The following ERFL variants were observed in gnomAD, a reference collection of about 807,000 sequenced individuals.
The protein encoded by ERFL is ETS domain-containing transcription factor ERF-like.
In ERFL, 8 loss-of-function variants were observed where a neutral mutation model predicts 27.9. The ratio of observed to expected loss-of-function variants is 0.29; its 90% CI spans 0.17 to 0.52. The LOEUF is 0.52. Among genes scored for constraint, ERFL ranks in the 20% least tolerant of loss-of-function variants. The probability of loss-of-function intolerance (pLI) is 0.97; values close to 1 mark genes in which losing one functional copy is unlikely to be tolerated. For synonymous variants in ERFL, 174 were observed against 202.8 expected, an observed-to-expected ratio of 0.86 and a Z score of 1.21; for missense variants, 294 against 444.4, an observed-to-expected ratio of 0.66 and a Z score of 3.04.
At chr19:41,912,788 G>A in intron 2 of ERFL, 65 bp downstream of exon 2, 1 of 554,570 alleles carries the variant, frequency 1.8e-6, no homozygotes, top group Non-Finnish European at 2.7e-6. Context: ...GAGAGAAGGG[G>A]GATGCGGCTC....
At chr19:41,913,033 C>T (rs1340156238) in intron 1 of ERFL, 101 bp from the exon 2 acceptor site, 2 of 445,324 alleles carry the variant, frequency 4.5e-6, no homozygotes, top group Non-Finnish European at 7.4e-6. Flanking sequence ...TCTCCCAGGT[C>T]CCCACCCCAG....
intron 1 of ERFL, among the ~76,000 whole-genome samples, chr19:41,919,952 T>C (rs2145902777): frequency 7.1e-6 from 1 of 141,296 alleles, no homozygotes; most frequent in South Asian, 2.6e-4. Flanking sequence ...CGCCCAGACG[T>C]GACGAACTCA....
At position 41,921,071 on chromosome 19, in the gene ERFL, G is replaced by A. The variant is rs756002465; in HGVS notation, c.-14+6969C>T. Among the ~76,000 whole-genome samples, 2 of 152,192 alleles carry A rather than the reference G, an allele frequency of 1.3e-5. No homozygotes were observed. Among genetic ancestry groups the A allele is most frequent in the African/African-American group, 2.4e-5 (1 of 41,452 alleles). On this transcript the variant is annotated intron_variant, in intron 1 of 5. Coordinates refer to ENST00000597630, the MANE Select transcript of ERFL (RefSeq NM_001365103.2). The surrounding 1 kb of genome is among the most constrained non-coding windows in gnomAD (Gnocchi z 4.4). Reference sequence around the variant, plus strand: ...TGAGGGGTGGCGAGGGAGCGTCCCCGGGGAGGTGGGAGCCGCAGTGCCACG... The same window carrying A: ...TGAGGGGTGGCGAGGGAGCGTCCCCAGGGAGGTGGGAGCCGCAGTGCCACG...
At chr19:41,918,477 A>G (rs186922563) in intron 1 of ERFL, among the ~76,000 whole-genome samples, 1 of 147,456 alleles carries the variant, frequency 6.8e-6, no homozygotes, top group East Asian at 2.0e-4. Flanking sequence ...CCACACACGC[A>G]CCACGCACAC....
intron 2 of ERFL, among the ~76,000 whole-genome samples, chr19:41,911,559 T>C (rs2074751537): frequency 6.6e-6 from 1 of 151,850 alleles, no homozygotes; most frequent in Non-Finnish European, 1.5e-5. Flanking sequence ...TGGGTGCTTG[T>C]GCCTCCCGGC....
chr19:41,922,730 G>A (rs782101636), intron 1 of ERFL, among the ~76,000 whole-genome samples: 3 of 152,202 alleles, frequency 2.0e-5, no homozygotes, highest in Admixed American at 1.3e-4. Flanking sequence ...GGGTCCAGCC[G>A]GGCTGGGGGG....
rs2074839068 is a variant in ERFL, at chr19:41,921,039, T to C, written c.-14+7001A>G. Among the ~76,000 whole-genome samples the C allele has an allele frequency of 6.6e-6, 1 of 151,934 alleles. No homozygotes were observed. The highest frequency in any genetic ancestry group is 1.5e-5 in the Non-Finnish European group (1 of 67,944). On this transcript the variant is annotated intron_variant, in intron 1 of 5. Coordinates refer to ENST00000597630, the MANE Select transcript of ERFL (RefSeq NM_001365103.2). The surrounding 1 kb of genome is among the most constrained non-coding windows in gnomAD (Gnocchi z 4.4). ...CTGCGGACAGCAGCGCTCCGAATGGTGTCAGTTGAGGGGTGGCGAGGGAGC... is the reference window on the plus strand; with the variant it reads ...CTGCGGACAGCAGCGCTCCGAATGGCGTCAGTTGAGGGGTGGCGAGGGAGC...
rs1039784188 is a variant in ERFL, at chr19:41,910,382, G to A, written c.68-285C>T. The stretch of plus-strand genomic sequence containing the variant: ...CAGCATCCAGAGGTGGAGTTGGGAG[G>A]GACTGGCTTCCTGCACCCATGACAG... On this transcript the variant is annotated intron_variant, in intron 2 of 5. Transcript: ENST00000597630. This position sits in a 1 kb window ranked among gnomAD's most constrained non-coding sequence, Gnocchi z 4.4. Among the ~76,000 whole-genome samples the A allele has an allele frequency of 6.6e-6, 1 of 152,112 alleles. No homozygotes were observed. The highest frequency in any genetic ancestry group is 2.4e-5 in the African/African-American group (1 of 41,416).
chr19:41,925,490 GAC>G (rs2074866335), intron 1 of ERFL, among the ~76,000 whole-genome samples: 1 of 152,158 alleles, frequency 6.6e-6, no homozygotes, highest in African/African-American at 2.4e-5. Flanking sequence ...GAGAGGCAAA[GAC>G]AGTGCAAGAA....
In ERFL at chr19:41,919,512, TACAC is replaced by T. The variant is rs60525805; in HGVS notation, c.-13-6584_-13-6581del. Among the ~76,000 whole-genome samples the T allele has an allele frequency of 6.9e-3, 1,007 of 146,558 alleles. 5 individuals are homozygous for T. Among genetic ancestry groups the T allele is most frequent in the South Asian group, 0.025 (117 of 4,592 alleles). ...CCACCCACGTGTGCACGTGCACGCG[TACAC>T]ACACACACACACACACACACGTCCA... On this transcript the variant is annotated intron_variant, in intron 1 of 5. Coordinates refer to ENST00000597630, the MANE Select transcript of ERFL (RefSeq NM_001365103.2).
intron 2 of ERFL, among the ~76,000 whole-genome samples, chr19:41,912,412 C>G (rs373922262): frequency 6.6e-6 from 1 of 152,234 alleles, no homozygotes; most frequent in African/African-American, 2.4e-5. Flanking sequence ...TCCTGGGTCT[C>G]GGTCTGGCCG....
At position 41,916,765 on chromosome 19, in the gene ERFL, C is replaced by T. The variant is rs544851027; in HGVS notation, c.-13-3833G>A. Among the ~76,000 whole-genome samples the T allele has an allele frequency of 8.5e-5, 13 of 152,204 alleles. No homozygotes were observed. The highest frequency in any genetic ancestry group is 2.1e-4 in the South Asian group (1 of 4,820). The stretch of plus-strand genomic sequence containing the variant: ...CACCAACCCAGACAGCCAACGCACA[C>T]GGCCACACACACACCCATTCACAGA... On this transcript the variant is annotated intron_variant, in intron 1 of 5. Transcript: ENST00000597630. The surrounding 1 kb of genome is among the most constrained non-coding windows in gnomAD (Gnocchi z 5.4).
chr19:41,908,072 C>CA lies in ERFL; in HGVS notation c.*155_*156insT, dbSNP rs1198809168. On this transcript the variant is annotated 3_prime_UTR_variant, in exon 6 of 6. Coordinates refer to ENST00000597630, the MANE Select transcript of ERFL (RefSeq NM_001365103.2). The surrounding 1 kb of genome is among the most constrained non-coding windows in gnomAD (Gnocchi z 6.7). ...CCTCTGTGGAGGGGGAAGTGAGACCCCCCCCACTCTGGGGCTGGGGAAGGA... is the reference window on the plus strand; with the variant it reads ...CCTCTGTGGAGGGGGAAGTGAGACCCACCCCCACTCTGGGGCTGGGGAAGGA... 7 of 497,164 alleles carry CA rather than the reference C, an allele frequency of 1.4e-5. No individual in the cohort carries two copies. The highest frequency in any genetic ancestry group is 1.2e-4 in the African/African-American group (6 of 49,920). 30.8% of individuals were successfully genotyped at this position (497,164 alleles called of 1,614,324 possible).
chr19:41,920,652 T>C (rs1555852398), intron 1 of ERFL, among the ~76,000 whole-genome samples: 1 of 152,224 alleles, frequency 6.6e-6, no homozygotes, highest in Admixed American at 6.5e-5. Context: ...GGAGCACGCA[T>C]GTCTACACAG....
chr19:41,909,819 G>C lies in ERFL; in HGVS notation c.302+44C>G. On this transcript the variant is annotated intron_variant, in intron 3 of 5. Coordinates refer to ENST00000597630, the MANE Select transcript of ERFL (RefSeq NM_001365103.2). The surrounding 1 kb of genome is among the most constrained non-coding windows in gnomAD (Gnocchi z 5.2). ...AGAGGGGGCACCAGAGGGACAGTTG[G>C]GGGAAAAGGACAAGGTGGGATCCAG... The C allele has an allele frequency of 6.5e-7, 1 of 1,535,898 alleles. No homozygotes were observed. Among genetic ancestry groups the C allele is most frequent in the Admixed American group, 1.9e-5 (1 of 51,656 alleles).
chr19:41,911,973 TC>T lies in ERFL; in HGVS notation c.67+879del, dbSNP rs782682657. 2.1e-3 allele frequency among the ~76,000 whole-genome samples: 298 copies of T among 144,838 alleles called. 2 individuals carry two copies. The highest frequency in any genetic ancestry group is 6.9e-3 in the African/African-American group (267 of 38,534). On this transcript the variant is annotated intron_variant, in intron 2 of 5. Transcript: ENST00000597630. ...CCCAACACAGAGGCCCAGGGATGCA[TC>T]CCCCCCACAGCCCCAAATGCACCAA...
At chr19:41,915,200 TCCCCGCCG>T (rs2074792882) in intron 1 of ERFL, among the ~76,000 whole-genome samples, 1 of 115,262 alleles carries the variant, frequency 8.7e-6, no homozygotes, top group Non-Finnish European at 1.7e-5. Flanking sequence ...CGCTTTCAAC[TCCCCGCCG>T]CCTCCTCCGG....
In ERFL at chr19:41,921,808, C is replaced by T. The variant is rs1555852517; in HGVS notation, c.-14+6232G>A. Among the ~76,000 whole-genome samples the T allele has an allele frequency of 6.6e-6, 1 of 151,936 alleles. No homozygotes were observed. Among genetic ancestry groups the T allele is most frequent in the African/African-American group, 2.4e-5 (1 of 41,308 alleles). ...TTCCTCGTCCTCCGCCCCACCTCGC[C>T]CTTCTTCAGTCCTAGGAGGTTGGTG... is the stretch of plus-strand genomic sequence containing the variant. On this transcript the variant is annotated intron_variant, in intron 1 of 5. Coordinates refer to ENST00000597630, the MANE Select transcript of ERFL (RefSeq NM_001365103.2). The surrounding 1 kb of genome is among the most constrained non-coding windows in gnomAD (Gnocchi z 4.4).
At position 41,909,509 on chromosome 19, in the gene ERFL, G is replaced by C. The variant is rs1342885466; in HGVS notation, c.303-38C>G. 1.6e-6 allele frequency: 2 copies of C among 1,247,762 alleles called. No homozygotes were observed. The allele number at this position is 1,247,762 out of a possible 1,614,324, so 77.3% of individuals were successfully genotyped here. On this transcript the variant is annotated intron_variant, in intron 3 of 5. Transcript: ENST00000597630. This position sits in a 1 kb window ranked among gnomAD's most constrained non-coding sequence, Gnocchi z 5.2. Reference sequence around the variant, plus strand: ...TGGTGGTGTTGGGGAGGTGCAGGGGGAGCCCTGGGGCGGGATCTGGGGTTT... The same window carrying C: ...TGGTGGTGTTGGGGAGGTGCAGGGGCAGCCCTGGGGCGGGATCTGGGGTTT...
Sources: gnomAD v4.1 joint callset for allele counts (sites outside exome capture counted in the v4.1 genomes callset) on GRCh38, gnomAD v4.1.1 for gene constraint, Gnocchi (gnomAD v3.1) non-coding constraint, MANE v1.5 for transcripts, NCBI Gene and HGNC (gene_info 2026-07-23, HGNC 2026-07-21) for gene names.